RYR2: variants seen among roughly 807,000 people sequenced by gnomAD.
RYR2 encodes ryanodine receptor 2, also known as cardiac muscle ryanodine receptor-calcium release channel.
Under a neutral mutation model 601.1 loss-of-function variants are expected in RYR2, and 227 were observed. The observed-to-expected ratio is 0.38, with a 90% confidence interval of 0.34 to 0.42. The LOEUF (loss-of-function observed/expected upper bound fraction) is 0.42. RYR2 is among the 10% of genes least tolerant of loss of function. The pLI, the probability that RYR2 is intolerant of heterozygous loss-of-function variation, is 1.00. For synonymous variants in RYR2, 2,223 were observed against 2,175.1 expected, an observed-to-expected ratio of 1.02 and a Z score of -0.61; for missense variants, 4,646 against 6,156.5, an observed-to-expected ratio of 0.75 and a Z score of 8.21.
intron 1 of RYR2, among the ~76,000 whole-genome samples, chr1:237,096,831 C>A (rs1171202507): frequency 1.3e-5 from 2 of 152,136 alleles, no homozygotes; most frequent in Non-Finnish European, 2.9e-5. Flanking sequence ...ACATCTCATG[C>A]CCCCTATAAA....
chr1:237,638,788 A>T (rs943213745), intron 45 of RYR2, among the ~76,000 whole-genome samples: 3 of 152,194 alleles, frequency 2.0e-5, no homozygotes, highest in Admixed American at 2.0e-4. Flanking sequence ...AGTGAGAATC[A>T]ATAGTTTATG....
chr1:237,113,200 T>C (rs1452752538), intron 1 of RYR2, among the ~76,000 whole-genome samples: 2 of 151,748 alleles, frequency 1.3e-5, no homozygotes, highest in Non-Finnish European at 2.9e-5. Context: ...TTATTTTTAT[T>C]TTTATTTTTA....
intron 25 of RYR2, 26 bp from the exon 26 acceptor site, chr1:237,548,405 C>T (rs970379471): frequency 6.2e-7 from 1 of 1,609,698 alleles, no homozygotes; most frequent in African/African-American, 1.3e-5. Context: ...CAATTATACA[C>T]AAATTTCTTT....
At chr1:237,202,909 C>G (rs1681362125) in intron 1 of RYR2, among the ~76,000 whole-genome samples, 1 of 152,152 alleles carries the variant, frequency 6.6e-6, no homozygotes, top group Admixed American at 6.5e-5. Context: ...ATGCTCAGCC[C>G]TTCCAAACAA....
intron 1 of RYR2, among the ~76,000 whole-genome samples, chr1:237,117,662 TCTTCTCTTC>T (rs1370359555): frequency 5.4e-5 from 8 of 147,842 alleles, no homozygotes; most frequent in African/African-American, 2.0e-4. Flanking sequence ...TCTCCTCTTC[TCTTCTCTTC>T]CTTCTCTTCT....
chr1:237,053,140 C>A (rs1191717162), intron 1 of RYR2, among the ~76,000 whole-genome samples: 1 of 152,210 alleles, frequency 6.6e-6, no homozygotes, highest in African/African-American at 2.4e-5. Context: ...AGCCACCGCA[C>A]CCAACCCATC....
At chr1:237,434,012 T>A (rs1446050718) in intron 12 of RYR2, among the ~76,000 whole-genome samples, 1 of 152,224 alleles carries the variant, frequency 6.6e-6, no homozygotes, top group Non-Finnish European at 1.5e-5. Context: ...CTAGGTCAGT[T>A]GCAAATCTCA....
chr1:237,270,032 G>T (rs888244754), intron 1 of RYR2, among the ~76,000 whole-genome samples: 1 of 152,178 alleles, frequency 6.6e-6, no homozygotes, highest in Non-Finnish European at 1.5e-5. Context: ...AAGTGAGAAA[G>T]TTCTGTTATT....
At chr1:237,213,709 C>CT (rs1397574615) in intron 1 of RYR2, among the ~76,000 whole-genome samples, 1 of 151,816 alleles carries the variant, frequency 6.6e-6, no homozygotes, top group Non-Finnish European at 1.5e-5. Flanking sequence ...TAGTGTGGTG[C>CT]TTTTACATTT....
intron 1 of RYR2, chr1:237,270,214 C>A: frequency 1.9e-6 from 1 of 530,024 alleles, no homozygotes; most frequent in Non-Finnish European, 3.5e-6. Flanking sequence ...TTTATTTGTT[C>A]AGGTTGCCTC....
intron 1 of RYR2, among the ~76,000 whole-genome samples, chr1:237,153,026 G>T (rs1674903318): frequency 6.6e-6 from 1 of 152,132 alleles, no homozygotes; most frequent in African/African-American, 2.4e-5. Context: ...ATTTTCTAAG[G>T]GCTTTGGTAA....
At chr1:237,499,539 A>G (rs915645410) in intron 20 of RYR2, among the ~76,000 whole-genome samples, 3 of 152,096 alleles carry the variant, frequency 2.0e-5, no homozygotes, top group Non-Finnish European at 4.4e-5. Context: ...AAGAAACTAG[A>G]CCTTTTTCTG....
intron 62 of RYR2, among the ~76,000 whole-genome samples, chr1:237,683,492 T>C (rs550984646): frequency 4.6e-5 from 7 of 152,168 alleles, no homozygotes; most frequent in Non-Finnish European, 8.8e-5. Flanking sequence ...GAGAGATTTA[T>C]GGAAATCAAG....
At chr1:237,634,455 G>T (rs1680660562) in intron 43 of RYR2, among the ~76,000 whole-genome samples, 1 of 152,156 alleles carries the variant, frequency 6.6e-6, no homozygotes. Context: ...GTTACCAGGT[G>T]TAGGGGGGAG....
At chr1:237,628,370 C>T (rs894043956) in intron 41 of RYR2, among the ~76,000 whole-genome samples, 1 of 139,710 alleles carries the variant, frequency 7.2e-6, no homozygotes, top group Admixed American at 7.1e-5. Context: ...TCCCTCCCCC[C>T]TCCCCCCACC....
rs1468126468 is a variant in RYR2 at position 237,609,995 on chromosome 1, C to T, written c.4684-767C>T. On this transcript the variant is annotated intron_variant, in intron 35 of 104. Transcript: ENST00000366574. ...AGCAGTTTGAGGATGAAGTAGTCTA[C>T]AGCATGCAGTTGAGGGGGCTCTAGA... 3.9e-5 allele frequency among the ~76,000 whole-genome samples: 6 copies of T among 152,144 alleles called. No homozygotes were observed. The South Asian group carries it at 1.0e-3, about 26-fold the overall frequency.
intron 12 of RYR2, among the ~76,000 whole-genome samples, chr1:237,436,086 T>C (rs1707323198): frequency 6.6e-6 from 1 of 152,172 alleles, no homozygotes; most frequent in Admixed American, 6.5e-5. Context: ...CTGAACCCTT[T>C]GAAAGAGCTC....
At chr1:237,499,132 G>A (rs1394866875) in intron 20 of RYR2, among the ~76,000 whole-genome samples, 1 of 152,058 alleles carries the variant, frequency 6.6e-6, no homozygotes, top group African/African-American at 2.4e-5. Context: ...CCAGGATAGA[G>A]CACCTTCTCT....
In RYR2 at chr1:237,633,567, T is replaced by C. The variant is rs372925188; in HGVS notation, c.6556-11T>C. On this transcript the variant is annotated splice_polypyrimidine_tract_variant and intron_variant, in intron 42 of 104. Transcript: ENST00000366574. ...TTGCTTTCAGCAGCTAATGACATGC[T>C]TTATCTGTAGGAAATCACCTTTCCC... 2 of 1,613,732 alleles carry C rather than the reference T, an allele frequency of 1.2e-6. No individual in the cohort carries two copies. The highest frequency in any genetic ancestry group is 1.7e-6 in the Non-Finnish European group (2 of 1,179,824).
Sources: allele counts gnomAD v4.1 joint callset (sites outside exome capture counted in the v4.1 genomes callset), GRCh38; gene constraint gnomAD v4.1.1; transcripts MANE v1.5; gene names NCBI Gene and HGNC (gene_info 2026-07-23, HGNC 2026-07-21).